SRGAP1: variants seen among roughly 807,000 people sequenced by gnomAD.
SRGAP1 encodes SLIT-ROBO Rho GTPase-activating protein 1.
Under a neutral mutation model 121.9 loss-of-function variants are expected in SRGAP1, and 43 were observed. That is an observed-to-expected ratio of 0.35 (90% confidence interval 0.28 to 0.46). The LOEUF (loss-of-function observed/expected upper bound fraction) is 0.46. Among genes scored for constraint, SRGAP1 ranks in the 20% least tolerant of loss-of-function variants. SRGAP1 has a pLI of 1.00. For missense variants in SRGAP1, 1,102 were observed against 1,350.9 expected (o/e 0.82, Z 2.89); for synonymous variants, 447 against 485.4 (o/e 0.92, Z 1.04).
In SRGAP1 at chr12:64,153,532, GA is replaced by G. The variant is rs964042044; in HGVS notation, c.*10862del. 2.0e-5 allele frequency: 3 copies of G among 151,546 alleles called. No individual in the cohort carries two copies. The highest frequency in any genetic ancestry group is 4.4e-5 in the Non-Finnish European group (3 of 67,950). 9.4% of individuals were successfully genotyped at this position (151,546 alleles called of 1,614,324 possible). On this transcript the variant is annotated 3_prime_UTR_variant, in exon 22 of 22. Transcript: ENST00000355086. ...ATTCTAAGTTCAAGGAAAGCCATTG[GA>G]AGTTTCCAAAAAGGAACATGACAGC...
chr12:64,053,356 G>A (rs971711831), intron 6 of SRGAP1, among the ~76,000 whole-genome samples: 3 of 152,090 alleles, frequency 2.0e-5, no homozygotes, highest in South Asian at 2.1e-4. Context: ...ACCAAGCTGC[G>A]GGCTGGATTT....
At chr12:63,901,584 G>A (rs372381147) in intron 1 of SRGAP1, among the ~76,000 whole-genome samples, 53 of 152,126 alleles carry the variant, frequency 3.5e-4, no homozygotes, top group African/African-American at 1.1e-3. Context: ...CATCATTGAC[G>A]TCACAACAGG....
intron 1 of SRGAP1, among the ~76,000 whole-genome samples, chr12:63,982,041 G>A (rs899675914): frequency 2.0e-5 from 3 of 151,830 alleles, no homozygotes; most frequent in African/African-American, 7.3e-5. Context: ...GTGAAACCCC[G>A]TCTCTACTAA....
At chr12:64,027,714 T>C (rs1044116769) in intron 4 of SRGAP1, among the ~76,000 whole-genome samples, 3 of 152,130 alleles carry the variant, frequency 2.0e-5, no homozygotes, top group African/African-American at 7.2e-5. Context: ...GTTTGCAAAC[T>C]CAAAAAGCTC....
At chr12:63,873,092 G>C (rs1899908485) in intron 1 of SRGAP1, among the ~76,000 whole-genome samples, 1 of 152,124 alleles carries the variant, frequency 6.6e-6, no homozygotes, top group Non-Finnish European at 1.5e-5. Context: ...AGAATAGACA[G>C]GTAGTGCTAA....
At chr12:63,912,627 A>AG (rs2030554530) in intron 1 of SRGAP1, among the ~76,000 whole-genome samples, 1 of 151,830 alleles carries the variant, frequency 6.6e-6, no homozygotes, top group Non-Finnish European at 1.5e-5. Flanking sequence ...AGAAAGAAAA[A>AG]AAAAATCAGC....
chr12:63,998,525 A>G (rs1339832758), intron 3 of SRGAP1, among the ~76,000 whole-genome samples: 1 of 152,080 alleles, frequency 6.6e-6, no homozygotes, highest in East Asian at 1.9e-4. Flanking sequence ...AAAGCACCAC[A>G]CTTTGCTCTA....
At chr12:64,042,711 T>TGG (rs2035049307) in intron 4 of SRGAP1, 79 bp from the exon 5 acceptor site, 1 of 1,134,114 alleles carries the variant, frequency 8.8e-7, no homozygotes, top group African/African-American at 1.5e-5. Flanking sequence ...GTGTATCATA[T>TGG]ACGTCGTATA....
rs2035791121 is a variant in SRGAP1, at chr12:64,079,123, C to T, written c.1323+7C>T. The T allele has an allele frequency of 1.2e-6, 2 of 1,613,012 alleles. No homozygotes were observed. The highest frequency in any genetic ancestry group is 2.7e-5 in the African/African-American group (2 of 75,006). The stretch of plus-strand genomic sequence containing the variant: ...TGAACAGTTCTACTTCATGGTGTGC[C>T]CGCCACTTCCCAAGCCACTCTACAG... On this transcript the variant is annotated splice_region_variant and intron_variant, in intron 9 of 21. Transcript: ENST00000355086.
chr12:64,105,582 G>A lies in SRGAP1; in HGVS notation c.1814-3350G>A, dbSNP rs553181324. On this transcript the variant is annotated intron_variant, in intron 15 of 21. Transcript: ENST00000355086. ...GCAGATCACTTGAGGCCAGGAGTTT[G>A]AGACCAACCTGGACAACGTGGCAAA... Among the ~76,000 whole-genome samples the A allele has an allele frequency of 1.6e-4, 24 of 152,208 alleles. No individual in the cohort carries two copies. In the South Asian group the frequency reaches 4.6e-3, roughly 29 times the overall value.
At chr12:64,053,594 T>G (rs1431537803) in intron 6 of SRGAP1, among the ~76,000 whole-genome samples, 13 of 152,196 alleles carry the variant, frequency 8.5e-5, no homozygotes, top group African/African-American at 3.1e-4. Flanking sequence ...TATTATGTCA[T>G]GCTAAAGAAT....
chr12:64,078,072 GTTTAAA>G (rs2035770031), intron 8 of SRGAP1, among the ~76,000 whole-genome samples: 1 of 152,138 alleles, frequency 6.6e-6, no homozygotes, highest in African/African-American at 2.4e-5. Flanking sequence ...CAACACAATT[GTTTAAA>G]TTTAAAAGAA....
chr12:63,872,693 G>A (rs1210874315), intron 1 of SRGAP1, among the ~76,000 whole-genome samples: 1 of 152,192 alleles, frequency 6.6e-6, no homozygotes, highest in African/African-American at 2.4e-5. Context: ...CAAGGACAGG[G>A]ATTTGTTTTT....
At chr12:64,131,860 C>A (rs879799858) in intron 21 of SRGAP1, among the ~76,000 whole-genome samples, 1 of 152,334 alleles carries the variant, frequency 6.6e-6, no homozygotes, top group East Asian at 1.9e-4. Context: ...AGCCCAGTAA[C>A]AGGCCAAGAG....
intron 1 of SRGAP1, among the ~76,000 whole-genome samples, chr12:63,920,724 T>A (rs2136326763): frequency 6.6e-6 from 1 of 152,206 alleles, no homozygotes; most frequent in East Asian, 1.9e-4. Context: ...CAGGACATAG[T>A]TTGAAGGTAG....
At chr12:63,902,052 C>T (rs968875630) in intron 1 of SRGAP1, among the ~76,000 whole-genome samples, 3 of 152,174 alleles carry the variant, frequency 2.0e-5, no homozygotes, top group African/African-American at 2.4e-5. Context: ...TGGTGGCTCA[C>T]GCCTGTAATC....
intron 10 of SRGAP1, chr12:64,081,538 G>A (rs907624104): frequency 3.3e-5 from 5 of 151,062 alleles, no homozygotes; most frequent in Admixed American, 2.0e-4. Flanking sequence ...CAAATACAAT[G>A]TATGAACCTT....
chr12:64,160,655 A>C lies in SRGAP1; in HGVS notation c.*17983A>C, dbSNP rs188653975. 8 of 152,308 alleles carry C rather than the reference A, an allele frequency of 5.3e-5. No homozygotes were observed. Among genetic ancestry groups the C allele is most frequent in the Admixed American group, 4.6e-4 (7 of 15,292 alleles). 9.4% of individuals were successfully genotyped at this position (152,308 alleles called of 1,614,324 possible). On this transcript the variant is annotated 3_prime_UTR_variant, in exon 22 of 22. Transcript: ENST00000355086. ...CAAGGAAGCCCAGACTCTGTTTGCC[A>C]GTGGCTGGGTCCTGGGGCCGATAAC...
At chr12:63,975,719 A>T (rs1359406630) in intron 1 of SRGAP1, among the ~76,000 whole-genome samples, 1 of 152,122 alleles carries the variant, frequency 6.6e-6, no homozygotes, top group Non-Finnish European at 1.5e-5. Context: ...AGTGCTTAAG[A>T]TTTCTCCACA....
Sources: gnomAD v4.1 joint callset for allele counts (sites outside exome capture counted in the v4.1 genomes callset) on GRCh38, gnomAD v4.1.1 for gene constraint, MANE v1.5 for transcripts, NCBI Gene and HGNC (gene_info 2026-07-23, HGNC 2026-07-21) for gene names.